CTNNA3: variants seen among roughly 807,000 people sequenced by gnomAD.
CTNNA3 encodes the protein catenin alpha 3, also known as catenin alpha-3.
A neutral mutation model predicts 95.7 loss-of-function variants in CTNNA3; 76 were observed. The ratio of observed to expected loss-of-function variants is 0.79; its 90% CI spans 0.66 to 0.96. The LOEUF (loss-of-function observed/expected upper bound fraction) is 0.96. Ranked by LOEUF, CTNNA3 falls within the 40% of genes least tolerant of loss-of-function variation. CTNNA3 has a pLI of 0.00. For missense variants in CTNNA3, 1,191 were observed against 1,089.8 expected (o/e 1.09, Z -1.31); for synonymous variants, 431 against 374.4 (o/e 1.15, Z -1.74).
chr10:67,544,311 G>A (rs551317746), intron 3 of CTNNA3, among the ~76,000 whole-genome samples: 30 of 152,206 alleles, frequency 2.0e-4, no homozygotes, highest in African/African-American at 6.7e-4. Flanking sequence ...TAAGGCACTG[G>A]ATGTTAGGCA....
intron 7 of CTNNA3, among the ~76,000 whole-genome samples, chr10:67,107,411 C>A (rs74233479): frequency 0.017 from 2,625 of 152,236 alleles, 82 homozygotes; most frequent in East Asian, 0.12. Flanking sequence ...AATGTTCATA[C>A]AACATTTTGA....
intron 7 of CTNNA3, among the ~76,000 whole-genome samples, chr10:66,984,947 C>A (rs1482538774): frequency 6.6e-6 from 1 of 152,038 alleles, no homozygotes; most frequent in Non-Finnish European, 1.5e-5. Context: ...TAGGCACCTG[C>A]CTAGATCCCA....
At chr10:66,499,589 C>T (rs913022517) in intron 11 of CTNNA3, among the ~76,000 whole-genome samples, 14 of 152,044 alleles carry the variant, frequency 9.2e-5, no homozygotes, top group African/African-American at 3.1e-4. Context: ...TAATAGAGAA[C>T]AATAGGCTGA....
chr10:67,333,847 A>G (rs955027128), intron 5 of CTNNA3, among the ~76,000 whole-genome samples: 1 of 152,138 alleles, frequency 6.6e-6, no homozygotes, highest in African/African-American at 2.4e-5. Context: ...ATCAATTACA[A>G]TCAACTGATA....
intron 13 of CTNNA3, among the ~76,000 whole-genome samples, chr10:66,235,332 A>T (rs1341170298): frequency 6.6e-6 from 1 of 151,698 alleles, no homozygotes; most frequent in Non-Finnish European, 1.5e-5. Flanking sequence ...GGTATTATCT[A>T]TGGTATTAAA....
chr10:66,135,166 T>A (rs1260452295), intron 13 of CTNNA3, among the ~76,000 whole-genome samples: 8 of 152,188 alleles, frequency 5.3e-5, no homozygotes, highest in Non-Finnish European at 1.2e-4. Flanking sequence ...AGTAAAAGAA[T>A]GACACCTCAA....
At chr10:66,918,550 C>T (rs1308630416) in intron 7 of CTNNA3, among the ~76,000 whole-genome samples, 1 of 152,084 alleles carries the variant, frequency 6.6e-6, no homozygotes, top group Non-Finnish European at 1.5e-5. Flanking sequence ...CAAGTTAAAG[C>T]CTACAATGGG....
chr10:66,283,388 A>G (rs1054388556), intron 12 of CTNNA3, among the ~76,000 whole-genome samples: 2 of 151,894 alleles, frequency 1.3e-5, no homozygotes, highest in African/African-American at 4.8e-5. Flanking sequence ...CTGTCTATTA[A>G]TACTTTCAAT....
chr10:67,047,732 C>A (rs10822966), intron 7 of CTNNA3, among the ~76,000 whole-genome samples: 18,327 of 152,064 alleles, frequency 0.12, 1,317 homozygotes, highest in African/African-American at 0.21. Context: ...AAAGCTATTA[C>A]ATTAAATTAA....
At chr10:66,573,970 T>C (rs1842938340) in intron 10 of CTNNA3, among the ~76,000 whole-genome samples, 2 of 152,080 alleles carry the variant, frequency 1.3e-5, no homozygotes, top group Admixed American at 6.6e-5. Context: ...AAAACACAAT[T>C]GAAATAAATG....
chr10:67,181,278 C>A (rs1213500031), intron 6 of CTNNA3, among the ~76,000 whole-genome samples: 1 of 152,112 alleles, frequency 6.6e-6, no homozygotes, highest in Non-Finnish European at 1.5e-5. Flanking sequence ...CTATTAGAAC[C>A]TGACACGGTA....
intron 1 of CTNNA3, among the ~76,000 whole-genome samples, chr10:67,685,611 G>C (rs915690774): frequency 2.6e-5 from 4 of 152,164 alleles, no homozygotes; most frequent in African/African-American, 9.7e-5. Context: ...CAGTGCTTTC[G>C]GGCTACACCC....
chr10:66,792,410 G>T (rs1589259438), intron 7 of CTNNA3, among the ~76,000 whole-genome samples: 1 of 151,998 alleles, frequency 6.6e-6, no homozygotes, highest in East Asian at 1.9e-4. Context: ...AGAAGAGCTT[G>T]TTAAAATGTA....
At chr10:66,163,286 A>G (rs992510145) in intron 13 of CTNNA3, among the ~76,000 whole-genome samples, 1 of 151,734 alleles carries the variant, frequency 6.6e-6, no homozygotes, top group South Asian at 2.1e-4. Flanking sequence ...CTCCCTGTGG[A>G]GTTTTACCCC....
chr10:66,847,846 T>C (rs1472939001), intron 7 of CTNNA3, among the ~76,000 whole-genome samples: 4 of 152,172 alleles, frequency 2.6e-5, no homozygotes, highest in Admixed American at 2.6e-4. Context: ...TACTATTTTA[T>C]CAATTCTAAA....
intron 3 of CTNNA3, among the ~76,000 whole-genome samples, chr10:67,569,410 C>A (rs891713651): frequency 6.6e-6 from 1 of 152,008 alleles, no homozygotes; most frequent in Admixed American, 6.6e-5. Flanking sequence ...AAGCTGTGTA[C>A]CATTTACTTT....
rs765899548 is a variant in CTNNA3, at chr10:66,775,535, G to GA, written c.1048-12dup. 9.6e-6 allele frequency: 15 copies of GA among 1,557,494 alleles called. No individual in the cohort carries two copies. Among genetic ancestry groups the GA allele is most frequent in the Non-Finnish European group, 9.6e-6 (11 of 1,142,790 alleles). ...TTCTTTTTTTCCAGCCTGCAAAGAAGAAAAAACGACATAAGCAATGGTATC... is the reference window on the plus strand; with the variant it reads ...TTCTTTTTTTCCAGCCTGCAAAGAAGAAAAAAACGACATAAGCAATGGTATC... On this transcript the variant is annotated splice_polypyrimidine_tract_variant and intron_variant, in intron 7 of 17. Coordinates refer to ENST00000433211, the MANE Select transcript of CTNNA3 (RefSeq NM_013266.4).
In CTNNA3 at chr10:66,421,897, G is replaced by GATATATATATATATATATATAT. The variant is rs35513829; in HGVS notation, c.1532-42546_1532-42545insATATATATATATATATATATAT. ...TTTCTAAGAGCTTCATAATAAATGT[G>GATATATATATATATATATATAT]ATATATATATATATATATACACACA... On this transcript the variant is annotated intron_variant, in intron 11 of 17. Transcript: ENST00000433211. 7.1e-3 allele frequency among the ~76,000 whole-genome samples: 763 copies of GATATATATATATATATATATAT among 107,916 alleles called. 10 individuals are homozygous for GATATATATATATATATATATAT. The highest frequency in any genetic ancestry group is 0.022 in the African/African-American group (629 of 28,536). 70.8% of individuals were successfully genotyped at this position (107,916 alleles called of 152,430 possible).
chr10:66,045,534 T>C (rs974804547), intron 15 of CTNNA3, among the ~76,000 whole-genome samples: 2 of 152,212 alleles, frequency 1.3e-5, no homozygotes, highest in African/African-American at 4.8e-5. Flanking sequence ...TTGGTATCTC[T>C]AGTGGCATCC....
Sources: allele counts gnomAD v4.1 joint callset (sites outside exome capture counted in the v4.1 genomes callset), GRCh38; gene constraint gnomAD v4.1.1; transcripts MANE v1.5; gene names NCBI Gene and HGNC (gene_info 2026-07-23, HGNC 2026-07-21).